Variants in TAS1R1 observed in about 807,000 individuals in gnomAD.
TAS1R1 encodes the protein taste 1 receptor member 1.
In TAS1R1, 31 loss-of-function variants were observed where a neutral mutation model predicts 45.8. The observed-to-expected ratio is 0.68, with a 90% CI of 0.51 to 0.91. The LOEUF is 0.91. Ranked by LOEUF, TAS1R1 falls within the 40% of genes least tolerant of loss-of-function variation. TAS1R1 has a pLI of 0.00. For synonymous variants in TAS1R1, 437 were observed against 448.4 expected (o/e 0.97, Z 0.32); for missense variants, 1,051 against 1,063.9 (o/e 0.99, Z 0.17).
chr1:6,570,844 G>A (rs1220396276), intron 1 of TAS1R1, 65 bp from the exon 2 acceptor site: 3 of 1,438,054 alleles, frequency 2.1e-6, no homozygotes, highest in East Asian at 4.6e-5. Context: ...TCAGAGTCTA[G>A]GAGGCCAGAG....
In TAS1R1 at chr1:6,559,850, C is replaced by T. The variant is rs192401933; in HGVS notation, c.191+4286C>T. Among the ~76,000 whole-genome samples, 22 of 151,492 alleles carry T rather than the reference C, an allele frequency of 1.5e-4. 1 individual carries two copies. In the South Asian group the frequency reaches 3.8e-3, roughly 26 times the overall value. ...ACTAAAAGTACGAAAATGAGCTGGA[C>T]GTGTGGGTGCACCCCTGCAATCCCA... is the stretch of plus-strand genomic sequence containing the variant. On this transcript the variant is annotated intron_variant, in intron 1 of 5. Coordinates refer to ENST00000333172, the MANE Select transcript of TAS1R1 (RefSeq NM_138697.4).
intron 1 of TAS1R1, among the ~76,000 whole-genome samples, chr1:6,568,165 T>C (rs1452521799): frequency 6.6e-6 from 1 of 151,866 alleles, no homozygotes; most frequent in Non-Finnish European, 1.5e-5. Context: ...GAACAATAGT[T>C]CCAGCCGGGC....
intron 1 of TAS1R1, among the ~76,000 whole-genome samples, chr1:6,568,528 G>C (rs1254899790): frequency 4.8e-5 from 1 of 20,966 alleles, no homozygotes; most frequent in Non-Finnish European, 6.4e-4. Flanking sequence ...TATTTTTGGA[G>C]AGACTCTGTA....
At chr1:6,569,283 C>T (rs1187405139) in intron 1 of TAS1R1, among the ~76,000 whole-genome samples, 3 of 151,854 alleles carry the variant, frequency 2.0e-5, no homozygotes, top group Admixed American at 6.6e-5. Context: ...GGGTTTGGAG[C>T]GGGCAAGGAG....
rs776052335 is a variant in TAS1R1 at position 6,555,323 on chromosome 1, C to A, written c.-51C>A. 3 of 1,481,080 alleles carry A rather than the reference C, an allele frequency of 2.0e-6. No homozygotes were observed. The highest frequency in any genetic ancestry group is 2.7e-6 in the Non-Finnish European group (3 of 1,112,318). 91.7% of individuals were successfully genotyped at this position (1,481,080 alleles called of 1,614,324 possible). On this transcript the variant is annotated 5_prime_UTR_variant, in exon 1 of 6. Coordinates refer to ENST00000333172, the MANE Select transcript of TAS1R1 (RefSeq NM_138697.4). ...AGCTGCCTTCTATTTAAGCAACTGG[C>A]CTCCTTAGAGGCCACTCCTTGGCCA...
chr1:6,564,163 G>A (rs1444321042), intron 1 of TAS1R1, among the ~76,000 whole-genome samples: 1 of 152,158 alleles, frequency 6.6e-6, no homozygotes, highest in Non-Finnish European at 1.5e-5. Context: ...TTGGTACCAA[G>A]AAGCATGTCC....
rs756846082 is a variant in TAS1R1 at position 6,555,393 on chromosome 1, G to T, written c.20G>T (p.Arg7Leu). MLLCTA[R>L]LVGLQLLISC... ...GCCAGCATGCTGCTCTGCACGGCTC[G>T]CCTGGTCGGCCTGCAGCTTCTCATT... is the stretch of plus-strand genomic sequence containing the variant. Residue 7 changes from arginine (R) to leucine (L), a missense_variant, in exon 1 of 6, where the codon CGC (arginine) becomes CTC (leucine). Physicochemically the swap from Arg to Leu is moderately radical, Grantham distance 102. Transcript: ENST00000333172. The T allele has an allele frequency of 1.2e-6, 2 of 1,600,464 alleles. No homozygotes were observed.
chr1:6,576,834 G>A, intron 4 of TAS1R1, 116 bp from the exon 5 acceptor site: 3 of 1,533,128 alleles, frequency 2.0e-6, no homozygotes, highest in Non-Finnish European at 2.7e-6. Flanking sequence ...ACGACCAGGG[G>A]CCCTGCCCTG....
At chr1:6,562,727 T>G (rs1461969920) in intron 1 of TAS1R1, among the ~76,000 whole-genome samples, 9 of 152,192 alleles carry the variant, frequency 5.9e-5, no homozygotes, top group Non-Finnish European at 1.0e-4. Context: ...ATGTCAATTT[T>G]GGGGCTTAAG....
Position 6,579,263 on chromosome 1 carries a change from T to C in TAS1R1, c.2205T>C (p.Asn735=). 6.2e-7 allele frequency: 1 copy of C among 1,614,228 alleles called. No homozygotes were observed. The stretch of plus-strand genomic sequence containing the variant: ...GCTTCATACTGGCCTTCCTCTACAA[T>C]GGCCTCCTCTCCATCAGTGCCTTTG... ...SLGFILAFLY[N]GLLSISAFAC... The change falls in exon 6 of 6, where the codon AAT becomes AAC. Residue 735 remains asparagine, a synonymous_variant. Transcript: ENST00000333172.
At chr1:6,571,357 G>T in intron 2 of TAS1R1, 142 bp downstream of exon 2, 1 of 878,082 alleles carries the variant, frequency 1.1e-6, no homozygotes, top group African/African-American at 1.7e-5. Flanking sequence ...CACAAGTCAG[G>T]GGTCCCTGCC....
At chr1:6,567,576 AAG>A (rs1491363096) in intron 1 of TAS1R1, among the ~76,000 whole-genome samples, 10 of 150,664 alleles carry the variant, frequency 6.6e-5, no homozygotes, top group Admixed American at 1.3e-4. Context: ...AAAAAAAAAA[AAG>A]AGGAGATCGG....
At chr1:6,562,650 C>T (rs950853787) in intron 1 of TAS1R1, among the ~76,000 whole-genome samples, 1 of 152,174 alleles carries the variant, frequency 6.6e-6, no homozygotes, top group Non-Finnish European at 1.5e-5. Context: ...GGGGTGTTAG[C>T]TGTACGGCTC....
At chr1:6,562,907 C>T (rs976756323) in intron 1 of TAS1R1, among the ~76,000 whole-genome samples, 1 of 152,196 alleles carries the variant, frequency 6.6e-6, no homozygotes, top group Non-Finnish European at 1.5e-5. Flanking sequence ...CTTGCTAAGG[C>T]GGCTCCAGTG....
chr1:6,571,093 C>T lies in TAS1R1; in HGVS notation c.376C>T (p.His126Tyr). 2 of 1,614,130 alleles carry T rather than the reference C, an allele frequency of 1.2e-6. No homozygotes were observed. Among genetic ancestry groups the T allele is most frequent in the African/African-American group, 1.3e-5 (1 of 75,050 alleles). ...AGTGCTCTCCCTGCCAGGGCAACAC[C>T]ACATAGAGCTCCAAGGAGACCTTCT... Reference protein sequence around the residue: ...LRVLSLPGQHHIELQGDLLHY... With the variant: ...LRVLSLPGQHYIELQGDLLHY... The change falls in exon 2 of 6, where the codon CAC becomes TAC. Residue 126 changes from histidine to tyrosine, a missense_variant. Physicochemically the swap from His to Tyr is moderately conservative, Grantham distance 83. Transcript: ENST00000333172.
rs1363245902 is a variant in TAS1R1, at chr1:6,575,323, C to T, written c.1191C>T (p.Ala397=). 1.9e-6 allele frequency: 3 copies of T among 1,611,386 alleles called. No individual in the cohort carries two copies. Among genetic ancestry groups the T allele is most frequent in the South Asian group, 1.1e-5 (1 of 90,890 alleles). Residue 397 remains alanine, a synonymous_variant, in exon 3 of 6, where the codon GCC becomes GCT. Coordinates refer to ENST00000333172, the MANE Select transcript of TAS1R1 (RefSeq NM_138697.4). ...CATACCGGGCTGTGTATGCGGTGGC[C>T]CATGGCCTCCACCAGCTCCTGGGCT... ...YNAYRAVYAV[A]HGLHQLLGCA...
At chr1:6,575,500 C>T (rs1640144400) in intron 3 of TAS1R1, 108 bp downstream of exon 3, 8 of 1,270,524 alleles carry the variant, frequency 6.3e-6, no homozygotes, top group African/African-American at 1.5e-5. Context: ...ATAAATGCCA[C>T]TAACTTGAGG....
chr1:6,556,019 C>T (rs1639676909), intron 1 of TAS1R1, among the ~76,000 whole-genome samples: 2 of 152,044 alleles, frequency 1.3e-5, no homozygotes, highest in Admixed American at 1.3e-4. Context: ...CTACAGGCAC[C>T]CGCCACTGCG....
At chr1:6,560,466 G>A (rs1215289354) in intron 1 of TAS1R1, among the ~76,000 whole-genome samples, 2 of 152,334 alleles carry the variant, frequency 1.3e-5, no homozygotes, top group East Asian at 3.9e-4. Flanking sequence ...CTGTTTCTGG[G>A]TAAACCCACT....
Sources: allele counts gnomAD v4.1 joint callset (sites outside exome capture counted in the v4.1 genomes callset), GRCh38; gene constraint gnomAD v4.1.1; transcripts MANE v1.5; gene names NCBI Gene and HGNC (gene_info 2026-07-23, HGNC 2026-07-21).